Variants in NTM observed in about 807,000 individuals in gnomAD.
The protein encoded by NTM is IgLON family member 2.
NTM carries 13 observed loss-of-function variants against 42.1 expected under a neutral mutation model. The ratio of observed to expected loss-of-function variants is 0.31; its 90% CI spans 0.20 to 0.49. NTM has a LOEUF of 0.49. Ranked by LOEUF, NTM falls within the 20% of genes least tolerant of loss-of-function variation. NTM has a pLI of 0.99. For synonymous variants in NTM, 187 were observed against 179.2 expected (o/e 1.04, Z -0.35); for missense variants, 373 against 452.8 (o/e 0.82, Z 1.60).
intron 1 of NTM, chr11:131,794,529 C>A (rs2091328385): frequency 8.1e-6 from 8 of 984,428 alleles, no homozygotes; most frequent in Non-Finnish European, 9.6e-6. Flanking sequence ...GAATTTTACT[C>A]CTTGCTGCTT....
intron 3 of NTM, among the ~76,000 whole-genome samples, chr11:132,210,476 G>T (rs576897285): frequency 1.1e-4 from 16 of 152,174 alleles, no homozygotes; most frequent in Non-Finnish European, 2.4e-4. Flanking sequence ...CATTGTTCAG[G>T]TCATCAGAAA....
chr11:131,998,366 T>G (rs1366272963), intron 2 of NTM, among the ~76,000 whole-genome samples: 1 of 152,142 alleles, frequency 6.6e-6, no homozygotes, highest in African/African-American at 2.4e-5. Flanking sequence ...GTATCCGGCA[T>G]GTGGCAGGGG....
chr11:131,651,802 C>T (rs1466603600), intron 1 of NTM, among the ~76,000 whole-genome samples: 2 of 152,016 alleles, frequency 1.3e-5, no homozygotes, highest in African/African-American at 4.8e-5. Flanking sequence ...GATCACGCCA[C>T]TACGCTACAG....
At chr11:132,165,886 A>T (rs964401095) in intron 3 of NTM, among the ~76,000 whole-genome samples, 2 of 152,048 alleles carry the variant, frequency 1.3e-5, no homozygotes, top group African/African-American at 2.4e-5. Flanking sequence ...TTCATGCTTT[A>T]ATTTAATTTA....
chr11:132,041,042 TG>T (rs2077109274), intron 2 of NTM, among the ~76,000 whole-genome samples: 1 of 152,262 alleles, frequency 6.6e-6, no homozygotes, highest in South Asian at 2.1e-4. Context: ...TTTTGTCCTT[TG>T]TTCCTAAAAT....
intron 1 of NTM, among the ~76,000 whole-genome samples, chr11:131,440,747 G>A (rs1432600496): frequency 7.2e-6 from 1 of 138,278 alleles, no homozygotes; most frequent in African/African-American, 2.7e-5. Context: ...GTGACGGAAT[G>A]TAACTCTTCC....
At chr11:131,649,036 G>A (rs2066129297) in intron 1 of NTM, among the ~76,000 whole-genome samples, 1 of 152,164 alleles carries the variant, frequency 6.6e-6, no homozygotes, top group Non-Finnish European at 1.5e-5. Context: ...TTGTGCCCGT[G>A]TTTTCCCTCT....
Position 131,490,123 on chromosome 11 carries a change from C to T in NTM, c.82+119235C>T, listed in dbSNP as rs147039510. Among the ~76,000 whole-genome samples, 994 of 152,300 alleles carry T rather than the reference C, an allele frequency of 6.5e-3. 7 individuals carry two copies. Among genetic ancestry groups the T allele is most frequent in the Non-Finnish European group, 9.7e-3 (662 of 68,032 alleles). On this transcript the variant is annotated intron_variant, in intron 1 of 8. Coordinates refer to ENST00000683400, the MANE Select transcript of NTM (RefSeq NM_001352005.2). ...CACAGAAACTAATAGTGAGGATTCA[C>T]TCACTACCGGGAGAATGACACCAAG...
chr11:131,446,353 ATT>A (rs1469176747), intron 1 of NTM, among the ~76,000 whole-genome samples: 1 of 152,052 alleles, frequency 6.6e-6, no homozygotes, highest in East Asian at 1.9e-4. Flanking sequence ...CCGCCTGTGC[ATT>A]GTCTCCTTTC....
intron 2 of NTM, among the ~76,000 whole-genome samples, chr11:132,089,678 C>T (rs1395442973): frequency 6.6e-6 from 1 of 152,150 alleles, no homozygotes; most frequent in Non-Finnish European, 1.5e-5. Flanking sequence ...CTACTGATTT[C>T]TTTAGGGCAT....
chr11:132,004,862 T>A (rs937775905), intron 2 of NTM, among the ~76,000 whole-genome samples: 6 of 152,164 alleles, frequency 3.9e-5, no homozygotes, highest in African/African-American at 7.2e-5. Flanking sequence ...TGGTAGTCCT[T>A]TGAGCAGCAT....
intron 1 of NTM, among the ~76,000 whole-genome samples, chr11:131,673,629 ACT>A (rs2070816649): frequency 6.6e-6 from 1 of 152,082 alleles, no homozygotes; most frequent in Admixed American, 6.5e-5. Context: ...GCTTTTGGGA[ACT>A]CTGCAAAAAT....
At chr11:132,150,215 T>C (rs1371944208) in intron 3 of NTM, among the ~76,000 whole-genome samples, 1 of 152,090 alleles carries the variant, frequency 6.6e-6, no homozygotes, top group East Asian at 1.9e-4. Flanking sequence ...TACCACCAGC[T>C]TTCGAGAAAG....
intron 2 of NTM, among the ~76,000 whole-genome samples, chr11:132,097,299 C>T (rs898213334): frequency 2.0e-5 from 3 of 152,158 alleles, no homozygotes; most frequent in Admixed American, 6.5e-5. Context: ...TGTGATTGAC[C>T]TGGTCGAGTG....
intron 7 of NTM, among the ~76,000 whole-genome samples, chr11:132,319,797 T>C (rs551943630): frequency 6.6e-6 from 1 of 152,314 alleles, no homozygotes; most frequent in South Asian, 2.1e-4. Flanking sequence ...CAGCTGGAGA[T>C]CTGAGAACAG....
intron 2 of NTM, among the ~76,000 whole-genome samples, chr11:132,130,872 A>G (rs1369790804): frequency 2.6e-5 from 4 of 152,208 alleles, no homozygotes; most frequent in African/African-American, 2.4e-5. Context: ...TGTCCTGTAC[A>G]GAAAAGGAAA....
chr11:131,601,649 A>G (rs1204134068), intron 1 of NTM, among the ~76,000 whole-genome samples: 1 of 151,766 alleles, frequency 6.6e-6, no homozygotes, highest in Non-Finnish European at 1.5e-5. Context: ...GGATTCCTGG[A>G]GCACAGTATG....
rs1453273483 is a variant in NTM, at chr11:132,003,465, T to G, written c.167+91817T>G. Among the ~76,000 whole-genome samples the G allele has an allele frequency of 6.6e-6, 1 of 152,078 alleles. No homozygotes were observed. On this transcript the variant is annotated intron_variant, in intron 2 of 8. Transcript: ENST00000683400. This position sits in a 1 kb window ranked among gnomAD's most constrained non-coding sequence, Gnocchi z 6.0. The stretch of plus-strand genomic sequence containing the variant: ...GTCCTTATATTTCCCAGGCTGCTCT[T>G]GAGTTCCTGGGCTCAAGCGATCCTT...
intron 1 of NTM, among the ~76,000 whole-genome samples, chr11:131,526,509 A>C (rs2050507793): frequency 6.6e-6 from 1 of 152,220 alleles, no homozygotes; most frequent in South Asian, 2.1e-4. Flanking sequence ...TGTACATTTT[A>C]ATCTGAGCTG....
Sources: gnomAD v4.1 joint callset for allele counts (sites outside exome capture counted in the v4.1 genomes callset) on GRCh38, gnomAD v4.1.1 for gene constraint, Gnocchi (gnomAD v3.1) non-coding constraint, MANE v1.5 for transcripts, NCBI Gene and HGNC (gene_info 2026-07-23, HGNC 2026-07-21) for gene names.